Variants in ARHGAP31 observed in about 807,000 individuals in gnomAD.
ARHGAP31 encodes the protein Rho GTPase activating protein 31.
A neutral mutation model predicts 113.9 loss-of-function variants in ARHGAP31; 34 were observed. The ratio of observed to expected loss-of-function variants is 0.30; its 90% CI spans 0.23 to 0.40. The LOEUF is 0.40. Ranked by LOEUF, ARHGAP31 falls within the 10% of genes least tolerant of loss-of-function variation. The probability of loss-of-function intolerance (pLI) is 1.00; values close to 1 mark genes in which losing one functional copy is unlikely to be tolerated. For missense variants in ARHGAP31, 1,548 were observed against 1,767.1 expected (o/e 0.88, Z 2.22); for synonymous variants, 650 against 684.8 (o/e 0.95, Z 0.79).
At chr3:119,319,578 A>G (rs1468621134) in intron 1 of ARHGAP31, among the ~76,000 whole-genome samples, 2 of 152,136 alleles carry the variant, frequency 1.3e-5, no homozygotes, top group Admixed American at 6.5e-5. Context: ...CAACCCAAAC[A>G]TTTGCGCTTA....
In ARHGAP31 at chr3:119,409,568, G is replaced by A; in HGVS notation, c.1718G>A (p.Ser573Asn). ...VPEAPGTVEC[S>N]KGLSQEPGAH... ...GAAGCACCGGGGACAGTGGAATGCA[G>A]CAAAGGCCTGTCCCAGGAGCCAGGC... Residue 573 changes from serine to asparagine, a missense_variant, in exon 11 of 12, where the codon AGC (serine) becomes AAC (asparagine). Transcript: ENST00000264245. 6.2e-7 allele frequency: 1 copy of A among 1,614,204 alleles called. No individual in the cohort carries two copies. Among genetic ancestry groups the A allele is most frequent in the Non-Finnish European group, 8.5e-7 (1 of 1,180,030 alleles).
At chr3:119,368,942 G>A (rs555913591) in intron 3 of ARHGAP31, among the ~76,000 whole-genome samples, 23 of 152,258 alleles carry the variant, frequency 1.5e-4, no homozygotes, top group African/African-American at 5.3e-4. Context: ...GGGTAAAGAG[G>A]TGGGTGGGTA....
chr3:119,327,134 T>A (rs1353844513), intron 1 of ARHGAP31, among the ~76,000 whole-genome samples: 1 of 151,744 alleles, frequency 6.6e-6, no homozygotes, highest in East Asian at 1.9e-4. Context: ...AGCCAGACCT[T>A]GTCTCAAAAA....
intron 1 of ARHGAP31, among the ~76,000 whole-genome samples, chr3:119,351,535 C>T (rs1480047424): frequency 6.6e-6 from 1 of 151,978 alleles, no homozygotes; most frequent in Non-Finnish European, 1.5e-5. Context: ...GTAGTAATGC[C>T]TACATCTCAG....
In ARHGAP31 at chr3:119,415,407, C is replaced by T. The variant is rs2080765500; in HGVS notation, c.3478C>T (p.Gln1160Ter). ...CKADPWRVYS[Q>*]DPQDLDIVAH... ...AGCAGACCCCTGGAGGGTTTACTCC[C>T]AGGACCCCCAGGACCTGGACATTGT... Residue 1160 changes from glutamine (Q) to a stop codon, truncating the protein, a stop_gained, in exon 12 of 12, where the codon CAG becomes TAG. Coordinates refer to ENST00000264245, the MANE Select transcript of ARHGAP31 (RefSeq NM_020754.4). LOFTEE classifies it high-confidence loss of function. 1 of 1,613,994 alleles carries T rather than the reference C, an allele frequency of 6.2e-7. No individual in the cohort carries two copies. The highest frequency in any genetic ancestry group is 2.2e-5 in the East Asian group (1 of 44,872).
At chr3:119,374,869 A>T (rs1213339824) in intron 3 of ARHGAP31, among the ~76,000 whole-genome samples, 1 of 152,208 alleles carries the variant, frequency 6.6e-6, no homozygotes, top group East Asian at 1.9e-4. Context: ...CTAATACAGT[A>T]TTCATTTATA....
chr3:119,389,586 A>G lies in ARHGAP31; in HGVS notation c.683-1199A>G, dbSNP rs566013716. ...AGTGCCATCCATGCTAGTCCTCCCC[A>G]GAAACACCCCATTGTCACATAACAG... On this transcript the variant is annotated intron_variant, in intron 6 of 11. Coordinates refer to ENST00000264245, the MANE Select transcript of ARHGAP31 (RefSeq NM_020754.4). Among the ~76,000 whole-genome samples the G allele has an allele frequency of 4.6e-5, 7 of 152,328 alleles. No individual in the cohort carries two copies. In the East Asian group the frequency reaches 9.6e-4, roughly 21 times the overall value.
chr3:119,396,396 C>T (rs76695517), intron 8 of ARHGAP31, among the ~76,000 whole-genome samples: 4,074 of 152,314 alleles, frequency 0.027, 185 homozygotes, highest in African/African-American at 0.092. Context: ...ATCAGATCTT[C>T]ACTAACTGGA....
intron 1 of ARHGAP31, among the ~76,000 whole-genome samples, chr3:119,345,086 G>A (rs2080044561): frequency 6.6e-6 from 1 of 151,732 alleles, no homozygotes; most frequent in African/African-American, 2.4e-5. Context: ...CCGGGTTCAC[G>A]CCATTCTCTT....
At chr3:119,392,272 AC>A (rs2080511687) in intron 7 of ARHGAP31, among the ~76,000 whole-genome samples, 1 of 152,150 alleles carries the variant, frequency 6.6e-6, no homozygotes, top group Non-Finnish European at 1.5e-5. Context: ...ACATGGTGAA[AC>A]CCAGTCTTTA....
chr3:119,318,792 A>G (rs936536907), intron 1 of ARHGAP31, among the ~76,000 whole-genome samples: 16 of 152,210 alleles, frequency 1.1e-4, no homozygotes, highest in African/African-American at 3.9e-4. Context: ...TTCAAAATCT[A>G]AGCTCTGGTA....
chr3:119,354,301 T>A (rs2080136833), intron 1 of ARHGAP31, among the ~76,000 whole-genome samples: 1 of 152,240 alleles, frequency 6.6e-6, no homozygotes, highest in Non-Finnish European at 1.5e-5. Context: ...TCCATCTTCC[T>A]AAATGAAACT....
chr3:119,347,990 G>A (rs2080074986), intron 1 of ARHGAP31, among the ~76,000 whole-genome samples: 1 of 152,222 alleles, frequency 6.6e-6, no homozygotes, highest in African/African-American at 2.4e-5. Flanking sequence ...TATCAGGGGT[G>A]CCCAAGCCCT....
At chr3:119,399,464 T>G (rs2080581274) in intron 9 of ARHGAP31, among the ~76,000 whole-genome samples, 1 of 152,238 alleles carries the variant, frequency 6.6e-6, no homozygotes, top group Non-Finnish European at 1.5e-5. Flanking sequence ...GGGCTAGGCC[T>G]AAAGAGCCAT....
intron 1 of ARHGAP31, among the ~76,000 whole-genome samples, chr3:119,355,996 A>G (rs1458533868): frequency 7.9e-5 from 12 of 152,342 alleles, no homozygotes; most frequent in Non-Finnish European, 1.8e-4. Flanking sequence ...ATTGTCCCCA[A>G]GGAGCTCACA....
At chr3:119,312,405 CTT>C (rs1418533883) in intron 1 of ARHGAP31, among the ~76,000 whole-genome samples, 1 of 152,116 alleles carries the variant, frequency 6.6e-6, no homozygotes, top group African/African-American at 2.4e-5. Flanking sequence ...AGGTGAAAAA[CTT>C]TGTAATGTTC....
chr3:119,320,477 T>G (rs1234102562), intron 1 of ARHGAP31, among the ~76,000 whole-genome samples: 1 of 152,236 alleles, frequency 6.6e-6, no homozygotes, highest in East Asian at 1.9e-4. Context: ...TAAATTCATT[T>G]TGCACACCTA....
At chr3:119,344,140 T>C (rs1370030130) in intron 1 of ARHGAP31, among the ~76,000 whole-genome samples, 1 of 152,244 alleles carries the variant, frequency 6.6e-6, no homozygotes, top group African/African-American at 2.4e-5. Context: ...GAATTTCAGA[T>C]AAACAACAAA....
chr3:119,300,291 G>A (rs1037263974), intron 1 of ARHGAP31, among the ~76,000 whole-genome samples: 1 of 152,224 alleles, frequency 6.6e-6, no homozygotes, highest in Non-Finnish European at 1.5e-5. Context: ...GGCACCCTGA[G>A]TTTAACCTAG....
Sources: gnomAD v4.1 joint callset for allele counts (sites outside exome capture counted in the v4.1 genomes callset) on GRCh38, gnomAD v4.1.1 for gene constraint, MANE v1.5 for transcripts, NCBI Gene and HGNC (gene_info 2026-07-23, HGNC 2026-07-21) for gene names.